Variants in STIM1 observed in about 807,000 individuals in gnomAD.
STIM1 encodes the protein stromal interaction molecule 1.
STIM1 carries 25 observed loss-of-function variants against 74.7 expected under a neutral mutation model. The observed-to-expected ratio is 0.33, with a 90% confidence interval of 0.24 to 0.47. The LOEUF is 0.47. STIM1 is among the 20% of genes least tolerant of loss of function. STIM1 has a pLI of 1.00. For synonymous variants in STIM1, 328 were observed against 348.8 expected (o/e 0.94, Z 0.66); for missense variants, 728 against 920.8 (o/e 0.79, Z 2.71).
chr11:3,916,362 C>T (rs2092643173), intron 1 of STIM1, among the ~76,000 whole-genome samples: 1 of 151,894 alleles, frequency 6.6e-6, no homozygotes, highest in South Asian at 2.1e-4. Flanking sequence ...TCTTGGCTCA[C>T]TGCCAACCTC....
At chr11:4,012,735 G>T (rs1351866806) in intron 2 of STIM1, among the ~76,000 whole-genome samples, 1 of 152,080 alleles carries the variant, frequency 6.6e-6, no homozygotes, top group African/African-American at 2.4e-5. Flanking sequence ...TTGCCTGATT[G>T]CCCTGGCCAG....
chr11:4,082,288 G>GA lies in STIM1; in HGVS notation c.1074_1075insA (p.Val359SerfsTer12). On this transcript the variant is annotated frameshift_variant, in exon 8 of 13. Coordinates refer to ENST00000526596, the MANE Select transcript of STIM1 (RefSeq NM_001382567.1). LOFTEE classifies it high-confidence loss of function. The stretch of plus-strand genomic sequence containing the variant: ...GGCTGCAGCTGACACATGAGGTGGA[G>GA]GTGCAATATTACAACATCAAGAAGC... The GA allele has an allele frequency of 6.2e-7, 1 of 1,613,998 alleles. No homozygotes were observed. The highest frequency in any genetic ancestry group is 1.1e-5 in the South Asian group (1 of 91,072).
intron 2 of STIM1, among the ~76,000 whole-genome samples, chr11:3,990,505 T>C (rs2093600517): frequency 6.6e-6 from 1 of 152,250 alleles, no homozygotes; most frequent in Non-Finnish European, 1.5e-5. Flanking sequence ...TTTTAGGAAC[T>C]GCCAGAGTAT....
intron 1 of STIM1, among the ~76,000 whole-genome samples, chr11:3,952,655 G>A (rs914236156): frequency 3.3e-5 from 5 of 152,194 alleles, no homozygotes. Flanking sequence ...GGAGGCCAGA[G>A]AAATGTGTGT....
intron 1 of STIM1, among the ~76,000 whole-genome samples, chr11:3,897,506 A>AT (rs983431512): frequency 9.9e-5 from 15 of 151,724 alleles, no homozygotes; most frequent in African/African-American, 4.8e-5. Flanking sequence ...GTTTGTTTTT[A>AT]TTTTTTTATT....
intron 2 of STIM1, among the ~76,000 whole-genome samples, chr11:4,002,494 A>G (rs1413497941): frequency 2.6e-5 from 4 of 151,276 alleles, no homozygotes; most frequent in African/African-American, 4.9e-5. Context: ...ACTACTGGGT[A>G]CATAACGAAA....
intron 12 of STIM1, among the ~76,000 whole-genome samples, chr11:4,087,436 A>G (rs1209090717): frequency 6.6e-6 from 1 of 152,194 alleles, no homozygotes; most frequent in Non-Finnish European, 1.5e-5. Context: ...TATTCTAGGC[A>G]GAGGAAACAC....
chr11:3,983,586 A>G (rs1261841727), intron 2 of STIM1, among the ~76,000 whole-genome samples: 1 of 152,102 alleles, frequency 6.6e-6, no homozygotes, highest in Non-Finnish European at 1.5e-5. Context: ...GACCCCTACT[A>G]TGTGACATTA....
intron 1 of STIM1, among the ~76,000 whole-genome samples, chr11:3,906,258 G>A (rs1443949363): frequency 6.6e-6 from 1 of 152,172 alleles, no homozygotes; most frequent in Non-Finnish European, 1.5e-5. Flanking sequence ...TGATTCAGTG[G>A]AAAGAGCAAA....
Position 3,856,070 on chromosome 11 carries a change from A to AGTCCCAGT in STIM1, c.-200_-199insTCCCAGTG. On this transcript the variant is annotated 5_prime_UTR_variant, in exon 1 of 13. Transcript: ENST00000526596. ...GGCGGACCCACTGTTGGACCTGAGG[A>AGTCCCAGT]GCCAGCCCTCCTCCCGCACCCAAAC... 1.6e-6 allele frequency: 1 copy of AGTCCCAGT among 633,790 alleles called. No individual in the cohort carries two copies. Among genetic ancestry groups the AGTCCCAGT allele is most frequent in the Non-Finnish European group, 2.8e-6 (1 of 360,098 alleles). The allele number at this position is 633,790 out of a possible 1,614,324, so 39.3% of individuals were successfully genotyped here.
intron 2 of STIM1, among the ~76,000 whole-genome samples, chr11:3,982,435 A>C (rs1315101368): frequency 6.6e-6 from 1 of 152,240 alleles, no homozygotes; most frequent in African/African-American, 2.4e-5. Flanking sequence ...AATCATGTAT[A>C]TCAAGTACCC....
intron 1 of STIM1, among the ~76,000 whole-genome samples, chr11:3,928,555 G>A (rs573821121): frequency 2.6e-5 from 4 of 151,970 alleles, no homozygotes; most frequent in Non-Finnish European, 4.4e-5. Context: ...CTCACTTGGC[G>A]TATCTTTATT....
chr11:3,984,547 A>T (rs2093539335), intron 2 of STIM1, among the ~76,000 whole-genome samples: 1 of 152,346 alleles, frequency 6.6e-6, no homozygotes, highest in East Asian at 1.9e-4. Flanking sequence ...TTCACCTACC[A>T]GGAGTGGCTC....
intron 2 of STIM1, among the ~76,000 whole-genome samples, chr11:3,974,553 C>T (rs1052391443): frequency 2.0e-5 from 3 of 150,936 alleles, no homozygotes; most frequent in African/African-American, 7.3e-5. Flanking sequence ...CACAGAGACC[C>T]TAAAAGAGAC....
At chr11:4,034,979 T>G (rs996517294) in intron 3 of STIM1, among the ~76,000 whole-genome samples, 5 of 152,190 alleles carry the variant, frequency 3.3e-5, no homozygotes, top group Non-Finnish European at 7.4e-5. Flanking sequence ...TTGTGTCTTC[T>G]TTTCTTTACT....
intron 2 of STIM1, among the ~76,000 whole-genome samples, chr11:3,978,145 G>A (rs1362249414): frequency 6.7e-6 from 1 of 149,838 alleles, no homozygotes; most frequent in Admixed American, 6.7e-5. Flanking sequence ...ATATGCCTGT[G>A]TACTTTTTTT....
intron 12 of STIM1, among the ~76,000 whole-genome samples, chr11:4,087,769 T>C (rs956161140): frequency 6.1e-5 from 9 of 148,282 alleles, no homozygotes; most frequent in African/African-American, 1.5e-4. Flanking sequence ...CATGATAAAT[T>C]TGGTAACTGG....
rs1457435652 is a variant in STIM1 at position 4,089,022 on chromosome 11, A to G, written c.1635-2260A>G. On this transcript the variant is annotated intron_variant, in intron 12 of 12. Transcript: ENST00000526596. ...CGAGAGCGGAGGACTGCTTAAGCCC[A>G]GGAGTTTGAGACCAGCCTGGGAAAC... is the stretch of plus-strand genomic sequence containing the variant. The G allele has an allele frequency of 3.5e-5, 12 of 343,362 alleles. No homozygotes were observed. In the East Asian group the frequency reaches 6.6e-4, roughly 19 times the overall value. The allele number at this position is 343,362 out of a possible 1,614,324, so 21.3% of individuals were successfully genotyped here. A position where few individuals can be genotyped will look rare whatever the true frequency, so the allele number is the denominator to read the frequency against.
At chr11:3,941,901 T>A (rs1196932796) in intron 1 of STIM1, among the ~76,000 whole-genome samples, 1 of 151,940 alleles carries the variant, frequency 6.6e-6, no homozygotes, top group African/African-American at 2.4e-5. Context: ...TACAGACTGG[T>A]CTTGAACTCC....
Sources: gnomAD v4.1 joint callset for allele counts (sites outside exome capture counted in the v4.1 genomes callset) on GRCh38, gnomAD v4.1.1 for gene constraint, MANE v1.5 for transcripts, NCBI Gene and HGNC (gene_info 2026-07-23, HGNC 2026-07-21) for gene names.